The following IL17REL variants were observed in gnomAD, a reference collection of about 807,000 sequenced individuals.
The protein encoded by IL17REL is interleukin 17 receptor E like.
IL17REL carries 36 observed loss-of-function variants against 49.0 expected under a neutral mutation model. The ratio of observed to expected loss-of-function variants is 0.73; its 90% CI spans 0.56 to 0.97. IL17REL has a LOEUF of 0.97. IL17REL is among the 50% of genes least tolerant of loss of function. The probability of loss-of-function intolerance (pLI) is 0.00; values close to 1 mark genes in which losing one functional copy is unlikely to be tolerated. For synonymous variants in IL17REL, 206 were observed against 192.4 expected, an observed-to-expected ratio of 1.07 and a Z score of -0.58; for missense variants, 470 against 453.9, an observed-to-expected ratio of 1.04 and a Z score of -0.32.
At chr22:49,993,241 T>C (rs2061014968), downstream of IL17REL, among the ~76,000 whole-genome samples, 1 of 152,180 alleles carries the variant, frequency 6.6e-6, no homozygotes, top group Non-Finnish European at 1.5e-5. This position sits in a 1 kb window ranked among gnomAD's most constrained non-coding sequence, Gnocchi z 6.0. Flanking sequence ...CAGCTGTGTG[T>C]CATGAGTGAA....
chr22:50,007,437 C>G (rs1228017057), intron 1 of IL17REL, among the ~76,000 whole-genome samples: 1 of 152,134 alleles, frequency 6.6e-6, no homozygotes, highest in Non-Finnish European at 1.5e-5. Flanking sequence ...ATGGTGCAAT[C>G]TTGGCTCACT....
chr22:50,012,162 C>T (rs921496333), upstream of IL17REL, among the ~76,000 whole-genome samples: 29 of 152,192 alleles, frequency 1.9e-4, no homozygotes, highest in African/African-American at 6.5e-4. Context: ...AGCACGTTCT[C>T]CGAGTGTTTC....
At chr22:49,999,013 G>A (rs747190424) in intron 7 of IL17REL, among the ~76,000 whole-genome samples, 30 of 152,244 alleles carry the variant, frequency 2.0e-4, no homozygotes, top group Admixed American at 3.9e-4. Flanking sequence ...AGAGCAGGAC[G>A]TCTCTCTTGT....
chr22:49,998,075 G>A lies in IL17REL; in HGVS notation c.775-6C>T. 1 of 1,592,418 alleles carries A rather than the reference G, an allele frequency of 6.3e-7. No individual in the cohort carries two copies. Among genetic ancestry groups the A allele is most frequent in the Non-Finnish European group, 8.5e-7 (1 of 1,172,376 alleles). On this transcript the variant is annotated splice_region_variant and splice_polypyrimidine_tract_variant and intron_variant, in intron 8 of 12. Transcript: ENST00000341280. Reference sequence around the variant, plus strand: ...TCCACCAGCGGGTACTGCACCTGAGGAGGGCTGGGGTCAGGCTGTGGCATC... The same window carrying A: ...TCCACCAGCGGGTACTGCACCTGAGAAGGGCTGGGGTCAGGCTGTGGCATC...
chr22:50,010,724 G>A (rs2061134924), upstream of IL17REL, among the ~76,000 whole-genome samples: 1 of 152,088 alleles, frequency 6.6e-6, no homozygotes, highest in South Asian at 2.1e-4. Flanking sequence ...CCGCTGTCGG[G>A]GGCGCGGAAC....
intron 7 of IL17REL, among the ~76,000 whole-genome samples, chr22:49,998,629 CGTGA>C (rs768047833): frequency 7.0e-6 from 1 of 142,542 alleles, no homozygotes; most frequent in East Asian, 2.1e-4. Flanking sequence ...TATGGGTGTG[CGTGA>C]GTGTGCCTGC....
At chr22:49,998,028 C>T in exon 9 of IL17REL, 1 of 1,596,804 alleles carries the variant, frequency 6.3e-7, no homozygotes, top group Non-Finnish European at 8.5e-7. Context: ...CCCTCACCTT[C>T]AGGCAGAGCT....
exon 13 of IL17REL, chr22:49,995,666 C>G (rs1410363582): frequency 6.6e-6 from 1 of 152,378 alleles, no homozygotes; most frequent in Non-Finnish European, 1.5e-5. Flanking sequence ...AGCCCTGCCC[C>G]CACTGTGCGA....
intron 1 of IL17REL, among the ~76,000 whole-genome samples, chr22:50,004,970 T>TAA (rs11455056): frequency 1.1e-3 from 56 of 51,918 alleles, no homozygotes; most frequent in South Asian, 2.3e-3. Context: ...AACCAGAAAG[T>TAA]AAAAAAAAAA....
exon 3 of IL17REL, chr22:50,000,818 T>C: frequency 6.2e-7 from 1 of 1,602,568 alleles, no homozygotes; most frequent in Non-Finnish European, 8.5e-7. Context: ...CTGCGTCTCC[T>C]GGGTGTCCAG....
At chr22:50,001,200 GC>G in exon 2 of IL17REL, 1 of 1,545,588 alleles carries the variant, frequency 6.5e-7, no homozygotes, top group Non-Finnish European at 8.9e-7. Context: ...TGGACACGGG[GC>G]GTGGCCGGCA....
At chr22:49,997,637 GATGTTCTGTGCTGCGTCCAC>G (rs1486157447) in intron 10 of IL17REL, 28 bp downstream of exon 12, 1 of 1,553,414 alleles carries the variant, frequency 6.4e-7, no homozygotes, top group Admixed American at 1.7e-5. Flanking sequence ...TGATATAAAG[GATGTTCTGTGCTGCGTCCAC>G]ATTGCGTAGG....
exon 12 of IL17REL, chr22:49,997,033 A>G: frequency 6.4e-7 from 1 of 1,551,548 alleles, no homozygotes; most frequent in Non-Finnish European, 8.7e-7. Context: ...CCTCCCTGGG[A>G]AGGTCTAGGA....
At chr22:50,007,336 C>T (rs2061115609) in intron 1 of IL17REL, among the ~76,000 whole-genome samples, 1 of 152,050 alleles carries the variant, frequency 6.6e-6, no homozygotes, top group Non-Finnish European at 1.5e-5. Flanking sequence ...CATAGGAAAT[C>T]TATTAGAAAT....
downstream of IL17REL, among the ~76,000 whole-genome samples, chr22:49,993,382 G>A (rs929587369): frequency 6.6e-6 from 1 of 152,324 alleles, no homozygotes; most frequent in Admixed American, 6.5e-5. The surrounding 1 kb of genome is among the most constrained non-coding windows in gnomAD (Gnocchi z 6.0). Flanking sequence ...GGGGTCCTCA[G>A]CACTTTTCTC....
Position 49,999,453 on chromosome 22 carries a change from TCCTGGCTGTAGGG to T in IL17REL, c.511_523del (p.Pro171SerfsTer47). The T allele has an allele frequency of 1.2e-6, 2 of 1,611,398 alleles. No individual in the cohort carries two copies. The highest frequency in any genetic ancestry group is 1.7e-6 in the Non-Finnish European group (2 of 1,179,484). ...GACCTCCAGGCACAGGCACGGCAGCTCCTGGCTGTAGGGCAGGAAGACGGCCTGGGAGACGCTG... is the reference window on the plus strand; with the variant it reads ...GACCTCCAGGCACAGGCACGGCAGCTCAGGAAGACGGCCTGGGAGACGCTG... On this transcript the variant is annotated frameshift_variant, in exon 6 of 13. Transcript: ENST00000341280. LOFTEE classifies it high-confidence loss of function.
exon 3 of IL17REL, chr22:50,000,813 T>C (rs1410787688): frequency 6.2e-7 from 1 of 1,603,330 alleles, no homozygotes; most frequent in African/African-American, 1.3e-5. Context: ...TGACACTGCG[T>C]CTCCTGGGTG....
exon 2 of IL17REL, chr22:50,001,137 G>A (rs769213012): frequency 3.1e-5 from 50 of 1,607,066 alleles, no homozygotes; most frequent in Non-Finnish European, 4.1e-5. Flanking sequence ...CGTCAGAGGG[G>A]ACACACTGCA....
At chr22:50,003,178 A>G (rs1218329048) in intron 1 of IL17REL, among the ~76,000 whole-genome samples, 3 of 152,178 alleles carry the variant, frequency 2.0e-5, no homozygotes, top group Non-Finnish European at 4.4e-5. Flanking sequence ...GTATTCATGA[A>G]CACAGGCATG....
Sources: allele counts gnomAD v4.1 joint callset (sites outside exome capture counted in the v4.1 genomes callset), GRCh38; gene constraint gnomAD v4.1.1; non-coding constraint Gnocchi (gnomAD v3.1); transcripts MANE v1.5; gene names NCBI Gene and HGNC (gene_info 2026-07-23, HGNC 2026-07-21).